The following GBP6 variants were observed in gnomAD, a reference collection of about 807,000 sequenced individuals.
GBP6 encodes the protein guanylate-binding protein 6.
In GBP6, 54 loss-of-function variants were observed where a neutral mutation model predicts 61.5. The ratio of observed to expected loss-of-function variants is 0.88; its 90% CI spans 0.71 to 1.10. The LOEUF (loss-of-function observed/expected upper bound fraction) is 1.10. Ranked by LOEUF, GBP6 falls within the 50% of genes least tolerant of loss-of-function variation. The pLI, the probability that GBP6 is intolerant of heterozygous loss-of-function variation, is 0.00. For missense variants in GBP6, 748 were observed against 752.8 expected, an observed-to-expected ratio of 0.99 and a Z score of 0.07; for synonymous variants, 255 against 273.7, an observed-to-expected ratio of 0.93 and a Z score of 0.67.
chr1:89,373,071 T>G (rs1454744311), intron 3 of GBP6, among the ~76,000 whole-genome samples: 1 of 152,146 alleles, frequency 6.6e-6, no homozygotes, highest in African/African-American at 2.4e-5. Flanking sequence ...AAAACGCTCA[T>G]CATCACTGGC....
intron 3 of GBP6, among the ~76,000 whole-genome samples, chr1:89,376,048 G>T (rs959348555): frequency 2.6e-5 from 4 of 152,256 alleles, no homozygotes; most frequent in Admixed American, 2.6e-4. Context: ...AAATCATGCA[G>T]TGTTTGTCTT....
At chr1:89,364,315 C>T (rs1213612167) in intron 1 of GBP6, among the ~76,000 whole-genome samples, 188 bp downstream of exon 1, 2 of 152,186 alleles carry the variant, frequency 1.3e-5, no homozygotes, top group African/African-American at 2.4e-5. Flanking sequence ...CCGGGCACGC[C>T]GCGTCCCCCT....
chr1:89,385,178 TAAAAG>T, intron 10 of GBP6, 47 bp from the exon 11 acceptor site: 2 of 1,522,036 alleles, frequency 1.3e-6, no homozygotes, highest in Non-Finnish European at 1.8e-6. Context: ...ATGTAAGTCT[TAAAAG>T]AATAGGGATT....
chr1:89,367,686 G>T (rs781520017), intron 1 of GBP6, among the ~76,000 whole-genome samples: 1 of 151,950 alleles, frequency 6.6e-6, no homozygotes, highest in Non-Finnish European at 1.5e-5. Flanking sequence ...TTTTTCACTT[G>T]TTTCCAGTGG....
chr1:89,368,426 T>A, intron 1 of GBP6, 103 bp from the exon 2 acceptor site: 1 of 751,016 alleles, frequency 1.3e-6, no homozygotes, highest in Non-Finnish European at 2.2e-6. Flanking sequence ...CTAGATTACA[T>A]GTTGTCCAGT....
In GBP6 at chr1:89,385,430, T is replaced by C. The variant is rs1653111472; in HGVS notation, c.1863T>C (p.Gly621=). The C allele has an allele frequency of 1.2e-6, 2 of 1,614,152 alleles. No individual in the cohort carries two copies. The highest frequency in any genetic ancestry group is 1.7e-6 in the Non-Finnish European group (2 of 1,179,966). The change falls in exon 11 of 11, where the codon GGT becomes GGC. Residue 621 remains glycine, a synonymous_variant. Transcript: ENST00000370456. ...AATTAATTGGTCATGGTGTCAAAGG[T>C]GTGAGCTCACTCTTTAAAAAGCATA... ...PAKLIGHGVK[G]VSSLFKKHKL...
At chr1:89,364,677 G>C (rs1652414781) in intron 1 of GBP6, among the ~76,000 whole-genome samples, 1 of 149,080 alleles carries the variant, frequency 6.7e-6, no homozygotes, top group Non-Finnish European at 1.5e-5. Flanking sequence ...TGGGGGAGGA[G>C]GGGGGTGTTA....
Position 89,370,633 on chromosome 1 carries a change from C to T in GBP6, c.318+960C>T, listed in dbSNP as rs533024041. Among the ~76,000 whole-genome samples, 4 of 152,228 alleles carry T rather than the reference C, an allele frequency of 2.6e-5. No homozygotes were observed. In the East Asian group the frequency reaches 5.8e-4, roughly 22 times the overall value. On this transcript the variant is annotated intron_variant, in intron 3 of 10. Transcript: ENST00000370456. The stretch of plus-strand genomic sequence containing the variant: ...TCTATACACTTTATTTTTGCCCAAA[C>T]AGGCGTTAGAAATTCTGTTTATTTT...
rs57974386 is a variant in GBP6 at position 89,376,782 on chromosome 1, C to T, written c.319-1321C>T. On this transcript the variant is annotated intron_variant, in intron 3 of 10. Transcript: ENST00000370456. ...GGCCAGGTTGAGACAGCGGAGGTGG[C>T]TTGAGGCTAGGAGTTAGAAACCACT... Among the ~76,000 whole-genome samples, 31 of 152,126 alleles carry T rather than the reference C, an allele frequency of 2.0e-4. No homozygotes were observed. The East Asian group carries it at 5.6e-3, about 27-fold the overall frequency.
chr1:89,378,005 A>C, intron 3 of GBP6, 98 bp from the exon 4 acceptor site: 2 of 1,092,980 alleles, frequency 1.8e-6, no homozygotes, highest in South Asian at 2.7e-5. Context: ...CAGCAAGTAC[A>C]TTAGCTGAAA....
At chr1:89,372,986 C>T (rs1652689041) in intron 3 of GBP6, among the ~76,000 whole-genome samples, 2 of 152,238 alleles carry the variant, frequency 1.3e-5, no homozygotes, top group South Asian at 2.1e-4. Context: ...CAAACAACCC[C>T]ATCAAAAAGT....
chr1:89,364,231 T>C (rs1652396487), intron 1 of GBP6, 104 bp downstream of exon 1: 1 of 152,306 alleles, frequency 6.6e-6, no homozygotes, highest in Non-Finnish European at 1.5e-5. Context: ...GGGTGCCTGC[T>C]GCCTGGCCTG....
intron 1 of GBP6, among the ~76,000 whole-genome samples, chr1:89,365,660 C>T (rs1053422123): frequency 6.6e-6 from 1 of 152,162 alleles, no homozygotes; most frequent in Non-Finnish European, 1.5e-5. Context: ...CCATTTAATT[C>T]AACATTTACT....
At chr1:89,383,033 C>A (rs542276146) in intron 8 of GBP6, among the ~76,000 whole-genome samples, 157 bp downstream of exon 8, 2 of 152,156 alleles carry the variant, frequency 1.3e-5, no homozygotes, top group African/African-American at 4.8e-5. Context: ...AATTTTTATT[C>A]CAAAACAAAG....
In GBP6 at chr1:89,364,287, C is replaced by T. The variant is rs147075847; in HGVS notation, c.-24+160C>T. Among the ~76,000 whole-genome samples, 429 of 152,298 alleles carry T rather than the reference C, an allele frequency of 2.8e-3. 2 individuals are homozygous for T. Among genetic ancestry groups the T allele is most frequent in the Non-Finnish European group, 1.9e-3 (127 of 67,978 alleles). Reference sequence around the variant, plus strand: ...TAGTTCTGGGGAAGCTCAGCTTCTCCACTTGAACCAGTGACAGCCGGGCAC... The same window carrying T: ...TAGTTCTGGGGAAGCTCAGCTTCTCTACTTGAACCAGTGACAGCCGGGCAC... On this transcript the variant is annotated intron_variant, in intron 1 of 10. Coordinates refer to ENST00000370456, the MANE Select transcript of GBP6 (RefSeq NM_198460.3).
Position 89,380,497 on chromosome 1 carries a change from T to C in GBP6, c.737T>C (p.Leu246Pro). Residue 246 changes from leucine to proline, a missense_variant, in exon 6 of 11, where the codon CTA becomes CCA. Leu to Pro is a moderately conservative substitution (Grantham distance 98, BLOSUM62 -3). Transcript: ENST00000370456. ...FDRPTNDKDL[L>P]ANIEKVSEKQ... The stretch of plus-strand genomic sequence containing the variant: ...CGGCCAACAAATGACAAAGACCTTC[T>C]AGCCAATATTGAGAAGGTGTCAGAA... 6.2e-7 allele frequency: 1 copy of C among 1,614,128 alleles called. No individual in the cohort carries two copies. The highest frequency in any genetic ancestry group is 8.5e-7 in the Non-Finnish European group (1 of 1,180,018).
At chr1:89,375,260 G>GA (rs760021778) in intron 3 of GBP6, among the ~76,000 whole-genome samples, 2 of 151,856 alleles carry the variant, frequency 1.3e-5, no homozygotes, top group Non-Finnish European at 2.9e-5. Flanking sequence ...ACAATCATAT[G>GA]AAAAAAAAGC....
Position 89,378,614 on chromosome 1 carries a change from G to A in GBP6, c.625+1G>A, listed in dbSNP as rs746131424. The A allele has an allele frequency of 6.2e-7, 1 of 1,610,076 alleles. No individual in the cohort carries two copies. The highest frequency in any genetic ancestry group is 1.7e-5 in the Admixed American group (1 of 59,822). On this transcript the variant is annotated splice_donor_variant, in intron 5 of 10. Coordinates refer to ENST00000370456, the MANE Select transcript of GBP6 (RefSeq NM_198460.3). LOFTEE classifies it high-confidence loss of function. ...GAGAATGCCTTGAAGCTGATTCAAG[G>A]TATCAGAATGTGGCCTGGGCTGTGG...
intron 3 of GBP6, among the ~76,000 whole-genome samples, chr1:89,373,326 A>G (rs564670943): frequency 6.3e-4 from 96 of 152,336 alleles, no homozygotes; most frequent in African/African-American, 2.3e-3. Flanking sequence ...TATATACCCA[A>G]AGGATTATAG....
Sources: gnomAD v4.1 joint callset for allele counts (sites outside exome capture counted in the v4.1 genomes callset) on GRCh38, gnomAD v4.1.1 for gene constraint, MANE v1.5 for transcripts, NCBI Gene and HGNC (gene_info 2026-07-23, HGNC 2026-07-21) for gene names.